Variants in SPIDR observed in about 807,000 individuals in gnomAD.
SPIDR encodes DNA repair-scaffolding protein.
In SPIDR, 93 loss-of-function variants were observed where a neutral mutation model predicts 104.6. The ratio of observed to expected loss-of-function variants is 0.89; its 90% CI spans 0.75 to 1.06. SPIDR has a LOEUF of 1.06. SPIDR is among the 50% of genes least tolerant of loss of function. The pLI is 0.00. For synonymous variants in SPIDR, 431 were observed against 416.9 expected (o/e 1.03, Z -0.41); for missense variants, 1,154 against 1,111.2 (o/e 1.04, Z -0.55).
intron 8 of SPIDR, among the ~76,000 whole-genome samples, chr8:47,507,031 A>G (rs573298489): frequency 6.6e-6 from 1 of 152,302 alleles, no homozygotes; most frequent in East Asian, 1.9e-4. Context: ...AAGCATTCAT[A>G]GGGTGATTTA....
At chr8:47,708,435 T>C (rs891400250) in intron 14 of SPIDR, among the ~76,000 whole-genome samples, 15 of 152,236 alleles carry the variant, frequency 9.9e-5, no homozygotes, top group African/African-American at 3.6e-4. Flanking sequence ...CCATACACCT[T>C]CTACTCCCAC....
chr8:47,730,110 C>CT lies in SPIDR; in HGVS notation c.2604+655dup, dbSNP rs1020859492. On this transcript the variant is annotated intron_variant, in intron 19 of 19. Transcript: ENST00000297423. Reference sequence around the variant, plus strand: ...TAATAGGATGGAATTCCCCAAGATGCTTTTTTTTTTCTTTTTTTAAACACT... The same window carrying CT: ...TAATAGGATGGAATTCCCCAAGATGCTTTTTTTTTTTCTTTTTTTAAACACT... Among the ~76,000 whole-genome samples the CT allele has an allele frequency of 2.3e-3, 344 of 149,794 alleles. 1 individual carries two copies. Among genetic ancestry groups the CT allele is most frequent in the Non-Finnish European group, 3.5e-3 (238 of 67,218 alleles).
chr8:47,513,194 A>C (rs767135176), intron 8 of SPIDR, among the ~76,000 whole-genome samples: 1 of 152,256 alleles, frequency 6.6e-6, no homozygotes, highest in Non-Finnish European at 1.5e-5. Flanking sequence ...CAAAATATTT[A>C]CACTTCCAAT....
chr8:47,493,993 C>T (rs1160202713), intron 8 of SPIDR, among the ~76,000 whole-genome samples: 1 of 151,750 alleles, frequency 6.6e-6, no homozygotes, highest in Non-Finnish European at 1.5e-5. Context: ...GCCTCCTTCC[C>T]TCCCTCCTTC....
At position 47,705,933 on chromosome 8, in the gene SPIDR, C is replaced by T. The variant is rs117190239; in HGVS notation, c.1977+3918C>T. 8.1e-3 allele frequency among the ~76,000 whole-genome samples: 1,224 copies of T among 151,744 alleles called. 12 individuals are homozygous for T. The highest frequency in any genetic ancestry group is 0.013 in the Non-Finnish European group (865 of 67,906). On this transcript the variant is annotated intron_variant, in intron 14 of 19. Coordinates refer to ENST00000297423, the MANE Select transcript of SPIDR (RefSeq NM_001080394.4). The stretch of plus-strand genomic sequence containing the variant: ...AAAAAAGCAGATTCAGTTGTATTTC[C>T]GTTACACTAATGACTAAGTCATGAA...
intron 11 of SPIDR, among the ~76,000 whole-genome samples, chr8:47,677,823 T>C (rs1436405777): frequency 6.6e-6 from 1 of 152,198 alleles, no homozygotes; most frequent in Non-Finnish European, 1.5e-5. Context: ...GAAAGAAAAG[T>C]GTCTCTAAAT....
chr8:47,509,698 G>T (rs1171417106), intron 8 of SPIDR, among the ~76,000 whole-genome samples: 1 of 152,152 alleles, frequency 6.6e-6, no homozygotes, highest in Admixed American at 6.6e-5. Flanking sequence ...CGTAAAACTA[G>T]ATTCTTACAG....
At chr8:47,295,969 T>C (rs1554572488) in intron 5 of SPIDR, among the ~76,000 whole-genome samples, 57 of 152,338 alleles carry the variant, frequency 3.7e-4, no homozygotes, top group Non-Finnish European at 6.9e-4. Flanking sequence ...ATCTTTTTGA[T>C]AGTCTTTCTA....
intron 5 of SPIDR, among the ~76,000 whole-genome samples, chr8:47,369,862 A>G (rs1489183226): frequency 6.6e-6 from 1 of 152,144 alleles, no homozygotes; most frequent in Non-Finnish European, 1.5e-5. Context: ...TTATAGTCCT[A>G]TTAAATTCAT....
intron 10 of SPIDR, among the ~76,000 whole-genome samples, chr8:47,665,639 A>T (rs1053531561): frequency 6.6e-6 from 1 of 152,240 alleles, no homozygotes; most frequent in Admixed American, 6.5e-5. Context: ...TAGTTGTCTT[A>T]AAATAGGCGA....
At chr8:47,539,787 G>T (rs1355669574) in intron 8 of SPIDR, among the ~76,000 whole-genome samples, 2 of 151,924 alleles carry the variant, frequency 1.3e-5, no homozygotes, top group Admixed American at 6.6e-5. Flanking sequence ...ATGCTATCAG[G>T]TGTTGGTTTG....
intron 11 of SPIDR, among the ~76,000 whole-genome samples, chr8:47,687,631 G>GCCA: frequency 6.6e-6 from 1 of 152,340 alleles, no homozygotes; most frequent in African/African-American, 2.4e-5. Context: ...CACTCATTAA[G>GCCA]CCACCACTGT....
At chr8:47,715,165 GTT>G (rs1491308619) in intron 16 of SPIDR, among the ~76,000 whole-genome samples, 3 of 151,654 alleles carry the variant, frequency 2.0e-5, no homozygotes, top group Non-Finnish European at 2.9e-5. Flanking sequence ...TTTTGGGGGG[GTT>G]TTTTGTTTTT....
At chr8:47,607,084 T>G (rs2154429246) in intron 10 of SPIDR, among the ~76,000 whole-genome samples, 1 of 152,372 alleles carries the variant, frequency 6.6e-6, no homozygotes, top group African/African-American at 2.4e-5. Context: ...GTGGTTGTTG[T>G]CACTCATACT....
chr8:47,401,211 C>A (rs1296729239), intron 6 of SPIDR, among the ~76,000 whole-genome samples: 1 of 152,122 alleles, frequency 6.6e-6, no homozygotes, highest in Non-Finnish European at 1.5e-5. Context: ...GAATTTTCAA[C>A]CCAGAATTTC....
intron 5 of SPIDR, among the ~76,000 whole-genome samples, chr8:47,345,504 T>G (rs1587405007): frequency 1.3e-5 from 2 of 152,160 alleles, no homozygotes; most frequent in East Asian, 3.9e-4. Flanking sequence ...GTGAAGAAAG[T>G]CATTGGTAGC....
chr8:47,396,340 A>T, intron 5 of SPIDR, 36 bp from the exon 6 acceptor site: 1 of 1,498,412 alleles, frequency 6.7e-7, no homozygotes, highest in East Asian at 2.3e-5. Flanking sequence ...TATCCTTTGT[A>T]TTTAAAAATA....
intron 8 of SPIDR, among the ~76,000 whole-genome samples, chr8:47,514,473 A>G (rs1004195662): frequency 6.6e-6 from 1 of 152,156 alleles, no homozygotes; most frequent in Non-Finnish European, 1.5e-5. Flanking sequence ...AGCCCACTGC[A>G]GGGGATGTGT....
intron 11 of SPIDR, among the ~76,000 whole-genome samples, chr8:47,683,017 C>T (rs1333378613): frequency 6.6e-6 from 1 of 152,198 alleles, no homozygotes; most frequent in Non-Finnish European, 1.5e-5. Flanking sequence ...GAACACCCAT[C>T]TGTTTGATCA....
Sources: allele counts gnomAD v4.1 joint callset (sites outside exome capture counted in the v4.1 genomes callset), GRCh38; gene constraint gnomAD v4.1.1; transcripts MANE v1.5; gene names NCBI Gene and HGNC (gene_info 2026-07-23, HGNC 2026-07-21).